Variants in SMAP1 observed in about 807,000 individuals in gnomAD.
SMAP1 encodes stromal membrane-associated protein 1.
Under a neutral mutation model 58.5 loss-of-function variants are expected in SMAP1, and 24 were observed. That is an observed-to-expected ratio of 0.41 (90% confidence interval 0.30 to 0.58). The LOEUF (loss-of-function observed/expected upper bound fraction) is 0.58. Ranked by LOEUF, SMAP1 falls within the 20% of genes least tolerant of loss-of-function variation. SMAP1 has a pLI of 0.29. For missense variants in SMAP1, 563 were observed against 566.3 expected, an observed-to-expected ratio of 0.99 and a Z score of 0.06; for synonymous variants, 216 against 196.6, an observed-to-expected ratio of 1.10 and a Z score of -0.82.
intron 6 of SMAP1, among the ~76,000 whole-genome samples, chr6:70,809,675 A>G (rs191799079): frequency 6.6e-6 from 1 of 152,352 alleles, no homozygotes; most frequent in Admixed American, 6.5e-5. Flanking sequence ...TTAGAACAAG[A>G]TATTTTCAAT....
At chr6:70,709,842 T>TC (rs1180062419) in intron 1 of SMAP1, among the ~76,000 whole-genome samples, 1 of 152,212 alleles carries the variant, frequency 6.6e-6, no homozygotes, top group Non-Finnish European at 1.5e-5. Context: ...ACACAAGGTA[T>TC]CTTTCCATTT....
chr6:70,674,294 G>A (rs772983988), intron 1 of SMAP1, among the ~76,000 whole-genome samples: 9 of 151,750 alleles, frequency 5.9e-5, no homozygotes, highest in Non-Finnish European at 1.3e-4. Flanking sequence ...TGTATTTTTT[G>A]TAGAGACCAC....
At chr6:70,831,784 A>G (rs13203355) in intron 6 of SMAP1, among the ~76,000 whole-genome samples, 21,769 of 152,220 alleles carry the variant, frequency 0.14, 1,805 homozygotes, top group East Asian at 0.21. Context: ...CATATACCCA[A>G]TGATAGGATT....
intron 4 of SMAP1, among the ~76,000 whole-genome samples, chr6:70,789,444 A>G (rs1768239994): frequency 6.6e-6 from 1 of 151,654 alleles, no homozygotes; most frequent in African/African-American, 2.4e-5. Flanking sequence ...CACACTGTGT[A>G]CCCTTTTGCG....
intron 1 of SMAP1, among the ~76,000 whole-genome samples, chr6:70,681,345 TCTC>T (rs1319590777): frequency 3.3e-5 from 5 of 152,112 alleles, no homozygotes; most frequent in Non-Finnish European, 7.4e-5. Context: ...GGTAGGAGGA[TCTC>T]CTGAGGAGGT....
At chr6:70,812,968 T>C (rs535438939) in intron 6 of SMAP1, among the ~76,000 whole-genome samples, 1 of 152,134 alleles carries the variant, frequency 6.6e-6, no homozygotes. Context: ...TCTTTTTTTT[T>C]AGCAGTTTTC....
chr6:70,848,283 A>C (rs1478701647), intron 7 of SMAP1, among the ~76,000 whole-genome samples: 3 of 152,198 alleles, frequency 2.0e-5, no homozygotes, highest in Admixed American at 6.5e-5. Flanking sequence ...AACTGAAAAG[A>C]TACTGGTGTC....
intron 5 of SMAP1, among the ~76,000 whole-genome samples, chr6:70,794,357 C>G (rs1768503952): frequency 6.6e-6 from 1 of 152,158 alleles, no homozygotes; most frequent in Admixed American, 6.5e-5. Context: ...AGAACCCATG[C>G]TGTTAATATT....
At chr6:70,717,510 G>C (rs1048468853) in intron 1 of SMAP1, among the ~76,000 whole-genome samples, 18 of 152,320 alleles carry the variant, frequency 1.2e-4, no homozygotes, top group African/African-American at 4.1e-4. Flanking sequence ...GGAGGGGTTT[G>C]TGTGCAAGTG....
chr6:70,818,406 CAAAA>C (rs200137790), intron 6 of SMAP1, among the ~76,000 whole-genome samples: 15 of 142,942 alleles, frequency 1.0e-4, no homozygotes, highest in South Asian at 2.2e-4. Flanking sequence ...AACTCCATCT[CAAAA>C]AAAAAAGCCT....
Position 70,773,414 on chromosome 6 carries a change from G to A in SMAP1, c.403G>A (p.Ala135Thr). 3.9e-6 allele frequency: 6 copies of A among 1,552,714 alleles called. No individual in the cohort carries two copies. The highest frequency in any genetic ancestry group is 5.3e-6 in the Non-Finnish European group (6 of 1,135,810). Residue 135 changes from alanine to threonine, a missense_variant, in exon 4 of 11, where the codon GCT (alanine) becomes ACT (threonine). Coordinates refer to ENST00000370455, the MANE Select transcript of SMAP1 (RefSeq NM_001044305.3). Reference sequence around the variant, plus strand: ...GAAATACTACGATAAAAATGCCATAGCTATTACAAATGTAAGTAAAACCTT... The same window carrying A: ...GAAATACTACGATAAAAATGCCATAACTATTACAAATGTAAGTAAAACCTT... Reference protein sequence around the residue: ...KKKYYDKNAIAITNISSSDAP... With the variant: ...KKKYYDKNAITITNISSSDAP...
intron 4 of SMAP1, among the ~76,000 whole-genome samples, chr6:70,785,442 A>G (rs568427446): frequency 2.8e-4 from 42 of 152,350 alleles, no homozygotes; most frequent in African/African-American, 9.9e-4. Context: ...GGCAAGAAAT[A>G]ACTAAAATCA....
rs114598948 is a variant in SMAP1, at chr6:70,750,676, T to A, written c.253-4304T>A. On this transcript the variant is annotated intron_variant, in intron 2 of 10. Coordinates refer to ENST00000370455, the MANE Select transcript of SMAP1 (RefSeq NM_001044305.3). Reference sequence around the variant, plus strand: ...GATGTGATGCTTTGGGCTGGTGATGTTGTATGTACTAGATTATGTGGGGAA... The same window carrying A: ...GATGTGATGCTTTGGGCTGGTGATGATGTATGTACTAGATTATGTGGGGAA... 8.4e-3 allele frequency among the ~76,000 whole-genome samples: 1,272 copies of A among 152,318 alleles called. 19 individuals carry two copies. Among genetic ancestry groups the A allele is most frequent in the African/African-American group, 0.029 (1,210 of 41,578 alleles).
At chr6:70,809,020 G>A (rs544203719) in intron 6 of SMAP1, among the ~76,000 whole-genome samples, 26 of 151,888 alleles carry the variant, frequency 1.7e-4, no homozygotes, top group Non-Finnish European at 3.1e-4. Flanking sequence ...TTGGCATAGA[G>A]TCCCTAAAGT....
intron 1 of SMAP1, among the ~76,000 whole-genome samples, chr6:70,683,937 C>T (rs1766827993): frequency 6.6e-6 from 1 of 152,188 alleles, no homozygotes; most frequent in Admixed American, 6.5e-5. Flanking sequence ...ATGTGTTACC[C>T]TTGACCTTCA....
chr6:70,758,118 C>G (rs1172585276), intron 3 of SMAP1, among the ~76,000 whole-genome samples: 3 of 150,796 alleles, frequency 2.0e-5, no homozygotes, highest in South Asian at 4.2e-4. Flanking sequence ...TTGGAACCAA[C>G]CCAAATGTCC....
At chr6:70,789,520 A>G (rs544292306) in intron 4 of SMAP1, among the ~76,000 whole-genome samples, 5 of 150,834 alleles carry the variant, frequency 3.3e-5, no homozygotes, top group African/African-American at 9.7e-5. Context: ...TGACTTTTCA[A>G]ATGTCTTTCT....
chr6:70,679,058 C>G lies in SMAP1; in HGVS notation c.118+10917C>G, dbSNP rs762414617. The stretch of plus-strand genomic sequence containing the variant: ...TGTTTTTTTGAGATGGAGTCTTACT[C>G]TGTCGCCCAAGCTGGAGTGCATTGG... On this transcript the variant is annotated intron_variant, in intron 1 of 10. Coordinates refer to ENST00000370455, the MANE Select transcript of SMAP1 (RefSeq NM_001044305.3). Among the ~76,000 whole-genome samples, 76 of 148,976 alleles carry G rather than the reference C, an allele frequency of 5.1e-4. 2 individuals are homozygous for G. The highest frequency in any genetic ancestry group is 1.7e-3 in the South Asian group (8 of 4,756).
intron 7 of SMAP1, among the ~76,000 whole-genome samples, chr6:70,848,207 C>T (rs1267741978): frequency 6.6e-6 from 1 of 152,064 alleles, no homozygotes; most frequent in Non-Finnish European, 1.5e-5. Flanking sequence ...TGATTATATC[C>T]CACAGTTGCT....
Sources: gnomAD v4.1 joint callset for allele counts (sites outside exome capture counted in the v4.1 genomes callset) on GRCh38, gnomAD v4.1.1 for gene constraint, MANE v1.5 for transcripts, NCBI Gene and HGNC (gene_info 2026-07-23, HGNC 2026-07-21) for gene names.